Variants in LGSN observed in about 807,000 individuals in gnomAD.
The protein encoded by LGSN is lengsin.
A neutral mutation model predicts 19.5 loss-of-function variants in LGSN; 21 were observed. That is an observed-to-expected ratio of 1.07 (90% CI 0.76 to 1.55). The LOEUF is 1.55. Among genes scored for constraint, LGSN ranks in the 40% most tolerant of loss-of-function variants. The pLI is 0.00. For missense variants in LGSN, 673 were observed against 608.5 expected (o/e 1.11, Z -1.12); for synonymous variants, 257 against 215.6 (o/e 1.19, Z -1.68).
At chr6:63,288,321 A>G (rs1485428630) in intron 2 of LGSN, among the ~76,000 whole-genome samples, 1 of 151,794 alleles carries the variant, frequency 6.6e-6, no homozygotes, top group East Asian at 1.9e-4. Flanking sequence ...ATCACATACT[A>G]TTCATACTGA....
intron 3 of LGSN, among the ~76,000 whole-genome samples, chr6:63,282,779 T>C (rs1437736600): frequency 6.6e-6 from 1 of 152,080 alleles, no homozygotes; most frequent in African/African-American, 2.4e-5. Flanking sequence ...CATGGACCTG[T>C]ACATGTAAAC....
Position 63,285,753 on chromosome 6 carries a change from T to G in LGSN, c.164A>C (p.Asp55Ala). 6.2e-7 allele frequency: 1 copy of G among 1,613,218 alleles called. No individual in the cohort carries two copies. The highest frequency in any genetic ancestry group is 8.5e-7 in the Non-Finnish European group (1 of 1,179,510). ...AATTTGACTGCTGTCCCTCATGCAA[T>G]CTGCAAAATAAAAAAATAGGTTCTA... is the stretch of plus-strand genomic sequence containing the variant. ...VGETDMSNSN[D>A]CMRDSSQILT... The change falls in exon 3 of 4, where the codon GAT (aspartate) becomes GCT (alanine). Residue 55 changes from aspartate to alanine, a missense_variant and splice_region_variant. Physicochemically the swap from Asp to Ala is moderately radical, Grantham distance 126 (BLOSUM62 -2). Transcript: ENST00000370657.
At chr6:63,321,345 A>T (rs1315498084), upstream of LGSN, among the ~76,000 whole-genome samples, 1 of 152,188 alleles carries the variant, frequency 6.6e-6, no homozygotes, top group African/African-American at 2.4e-5. Flanking sequence ...TTGTTTCAGA[A>T]ATGTTCCCTT....
the LGSN span, among the ~76,000 whole-genome samples, chr6:63,336,729 G>A: frequency 2.7e-4 from 39 of 145,174 alleles, no homozygotes; most frequent in East Asian, 7.1e-3. Context: ...AAATTCAAGC[G>A]ATTCTCCCAC....
chr6:63,485,335 C>G, the LGSN span, among the ~76,000 whole-genome samples: 3 of 152,114 alleles, frequency 2.0e-5, no homozygotes, highest in African/African-American at 7.2e-5. Flanking sequence ...TGGCCTCTAG[C>G]TCCATCCATG....
Position 63,280,830 on chromosome 6 carries a change from G to T in LGSN, c.721C>A (p.Gln241Lys). The part of the protein sequence containing the change: ...FLNNHDQPFM[Q>K]ELVDGLYHTG... ...TGATACAAGCCATCAACAAGTTCCT[G>T]CATGAAGGGCTGATCATGGTTATTT... is the stretch of plus-strand genomic sequence containing the variant. The change falls in exon 4 of 4, where the codon CAG (glutamine) becomes AAG (lysine). Residue 241 changes from glutamine to lysine, a missense_variant. By Grantham distance (53) the Gln-to-Lys change is moderately conservative. Coordinates refer to ENST00000370657, the MANE Select transcript of LGSN (RefSeq NM_016571.3). 6.2e-7 allele frequency: 1 copy of T among 1,614,014 alleles called. No individual in the cohort carries two copies. The highest frequency in any genetic ancestry group is 8.5e-7 in the Non-Finnish European group (1 of 1,179,950).
chr6:63,357,667 G>C, the LGSN span, among the ~76,000 whole-genome samples: 1 of 152,040 alleles, frequency 6.6e-6, no homozygotes, highest in East Asian at 1.9e-4. Context: ...TTGCCCACTT[G>C]TTGATGGGGT....
At chr6:63,448,210 T>G in the LGSN span, among the ~76,000 whole-genome samples, 3 of 152,232 alleles carry the variant, frequency 2.0e-5, no homozygotes, top group Admixed American at 6.5e-5. Context: ...TATGTTATTT[T>G]ACAATGTCCT....
At chr6:63,529,765 C>T in the LGSN span, among the ~76,000 whole-genome samples, 8 of 152,194 alleles carry the variant, frequency 5.3e-5, no homozygotes, top group African/African-American at 1.7e-4. Flanking sequence ...AATGAGGTTC[C>T]GTTTTTCTGA....
the LGSN span, among the ~76,000 whole-genome samples, chr6:63,535,753 T>C: frequency 7.2e-5 from 11 of 152,298 alleles, no homozygotes; most frequent in Admixed American, 7.2e-4. Flanking sequence ...GCTGACAGCC[T>C]TCCGGAAGAT....
chr6:63,279,217 T>C lies in LGSN; in HGVS notation c.*804A>G, dbSNP rs371621160. On this transcript the variant is annotated 3_prime_UTR_variant, in exon 4 of 4. Coordinates refer to ENST00000370657, the MANE Select transcript of LGSN (RefSeq NM_016571.3). ...CAGAGGAACATCTAGTTTCAAAGAA[T>C]GAAGCAGAGTAGACAGAGCCCACCT... The C allele has an allele frequency of 6.6e-5, 10 of 152,356 alleles. No individual in the cohort carries two copies. The highest frequency in any genetic ancestry group is 2.4e-4 in the African/African-American group (10 of 41,582). The allele number at this position is 152,356 out of a possible 1,614,324, so 9.4% of individuals were successfully genotyped here. A position where few individuals can be genotyped will look rare whatever the true frequency, so the allele number is the denominator to read the frequency against.
chr6:63,503,608 C>T, the LGSN span, among the ~76,000 whole-genome samples: 1 of 152,134 alleles, frequency 6.6e-6, no homozygotes, highest in Non-Finnish European at 1.5e-5. Context: ...AAAAGTCCAC[C>T]AGGCTGAATC....
At chr6:63,471,557 T>C in the LGSN span, among the ~76,000 whole-genome samples, 1 of 151,690 alleles carries the variant, frequency 6.6e-6, no homozygotes, top group Admixed American at 6.6e-5. Flanking sequence ...TCCCAGCTAC[T>C]TGGGACGCTA....
At chr6:63,545,084 G>A in the LGSN span, among the ~76,000 whole-genome samples, 15 of 152,242 alleles carry the variant, frequency 9.9e-5, no homozygotes, top group Middle Eastern at 0.01. Context: ...GCATTCTACT[G>A]TAAGGAGGTT....
At chr6:63,300,175 G>A (rs769017807) in intron 1 of LGSN, among the ~76,000 whole-genome samples, 18 of 152,164 alleles carry the variant, frequency 1.2e-4, no homozygotes, top group Non-Finnish European at 2.4e-4. Flanking sequence ...GCCATGCTGA[G>A]AGGGGTTGGA....
At chr6:63,358,376 T>C in the LGSN span, among the ~76,000 whole-genome samples, 1 of 152,236 alleles carries the variant, frequency 6.6e-6, no homozygotes, top group Non-Finnish European at 1.5e-5. Context: ...AAGAAAGTCA[T>C]TGGTAGCTTG....
At chr6:63,370,201 C>T in the LGSN span, among the ~76,000 whole-genome samples, 3 of 152,162 alleles carry the variant, frequency 2.0e-5, no homozygotes, top group Admixed American at 1.3e-4. Flanking sequence ...AGTCACATTG[C>T]AAAGTCAGAG....
chr6:63,520,482 C>T, the LGSN span, among the ~76,000 whole-genome samples: 2 of 151,792 alleles, frequency 1.3e-5, no homozygotes, highest in African/African-American at 4.8e-5. Context: ...CAAAAATTAG[C>T]CAGGTGTGAT....
chr6:63,447,881 G>A, the LGSN span, among the ~76,000 whole-genome samples: 2 of 152,080 alleles, frequency 1.3e-5, no homozygotes, highest in Non-Finnish European at 2.9e-5. Flanking sequence ...ATTAAATGAT[G>A]GCACTTCTCC....
Sources: allele counts gnomAD v4.1 joint callset (sites outside exome capture counted in the v4.1 genomes callset), GRCh38; gene constraint gnomAD v4.1.1; transcripts MANE v1.5; gene names NCBI Gene and HGNC (gene_info 2026-07-23, HGNC 2026-07-21).